KIN: variants seen among roughly 807,000 people sequenced by gnomAD.
The protein encoded by KIN is DNA/RNA-binding protein KIN17.
Under a neutral mutation model 63.0 loss-of-function variants are expected in KIN, and 47 were observed. The observed-to-expected ratio is 0.75, with a 90% CI of 0.59 to 0.95. KIN has a LOEUF of 0.95. KIN is among the 40% of genes least tolerant of loss of function. The pLI is 0.00. For missense variants in KIN, 408 were observed against 460.9 expected, an observed-to-expected ratio of 0.89 and a Z score of 1.05; for synonymous variants, 160 against 157.7, an observed-to-expected ratio of 1.01 and a Z score of -0.11.
intron 8 of KIN, 48 bp from the exon 9 acceptor site, chr10:7,766,151 G>T (rs777971606): frequency 7.5e-7 from 1 of 1,337,016 alleles, no homozygotes; most frequent in Admixed American, 1.9e-5. Flanking sequence ...ATCCTCATTG[G>T]ATTTCAAAAT....
At chr10:7,766,590 G>C (rs796456449) in intron 8 of KIN, among the ~76,000 whole-genome samples, 12 of 152,076 alleles carry the variant, frequency 7.9e-5, no homozygotes, top group African/African-American at 2.9e-4. Context: ...AGAGATAAAT[G>C]AGAGTGACCA....
intron 1 of KIN, among the ~76,000 whole-genome samples, chr10:7,784,517 GT>G (rs2131036982): frequency 6.6e-6 from 1 of 152,276 alleles, no homozygotes; most frequent in East Asian, 1.9e-4. Context: ...AAGCCCAGGA[GT>G]TGGAGGATGC....
At chr10:7,764,768 C>A (rs1161897428) in intron 9 of KIN, among the ~76,000 whole-genome samples, 1 of 152,218 alleles carries the variant, frequency 6.6e-6, no homozygotes, top group African/African-American at 2.4e-5. Context: ...CATGGGTTCA[C>A]ACTCTAGTAA....
Position 7,756,288 on chromosome 10 carries a change from A to AT in KIN, c.1120-147dup, listed in dbSNP as rs748780636. On this transcript the variant is annotated intron_variant, in intron 12 of 12. Transcript: ENST00000379562. ...TGTTAACATTTGTATACATCTATGA[A>AT]TTTTAAGAATAATCTATGGCATTCT... 1.3e-3 allele frequency: 607 copies of AT among 484,538 alleles called. 2 individuals are homozygous for AT. Among genetic ancestry groups the AT allele is most frequent in the South Asian group, 1.7e-3 (43 of 24,748 alleles). 30.0% of individuals were successfully genotyped at this position (484,538 alleles called of 1,614,324 possible). A position where few individuals can be genotyped will look rare whatever the true frequency, so the allele number is the denominator to read the frequency against.
chr10:7,768,179 A>G (rs1019219405), intron 8 of KIN, among the ~76,000 whole-genome samples: 3 of 152,186 alleles, frequency 2.0e-5, no homozygotes, highest in Admixed American at 6.5e-5. Flanking sequence ...TGTACTTCCA[A>G]TGATTTTTCA....
chr10:7,783,162 C>G lies in KIN; in HGVS notation c.128G>C (p.Cys43Ser). The G allele has an allele frequency of 6.3e-7, 1 of 1,578,174 alleles. No individual in the cohort carries two copies. The highest frequency in any genetic ancestry group is 8.6e-7 in the Non-Finnish European group (1 of 1,161,500). Residue 43 changes from cysteine (C) to serine (S), a missense_variant, in exon 2 of 13, where the codon TGT becomes TCT. By Grantham distance (112) the Cys-to-Ser change is moderately radical. Transcript: ENST00000379562. ...KQCRDENGFK[C>S]HCMSESHQRQ... ...CTGATGAGATTCGGACATACAATGA[C>G]ACTTAAAGCCATTCTACAAAAAATG...
In KIN at chr10:7,755,181, A is replaced by T. The variant is rs2130978795; in HGVS notation, c.*899T>A. 6.6e-6 allele frequency: 1 copy of T among 152,350 alleles called. No homozygotes were observed. The highest frequency in any genetic ancestry group is 2.1e-4 in the South Asian group (1 of 4,834). The allele number at this position is 152,350 out of a possible 1,614,324, so 9.4% of individuals were successfully genotyped here. A position where few individuals can be genotyped will look rare whatever the true frequency, so the allele number is the denominator to read the frequency against. ...AAGCGAAAGCTTCTGTTCACATAAA[A>T]TCCTGTAAATGGGTGATCATGGCAG... On this transcript the variant is annotated 3_prime_UTR_variant, in exon 13 of 13. Transcript: ENST00000379562.
chr10:7,766,948 G>C (rs1168950250), intron 8 of KIN, among the ~76,000 whole-genome samples: 1 of 151,488 alleles, frequency 6.6e-6, no homozygotes, highest in Non-Finnish European at 1.5e-5. Context: ...CTTGAACCCT[G>C]TGAGGCGGAG....
At chr10:7,782,357 T>C (rs1223202209) in intron 2 of KIN, among the ~76,000 whole-genome samples, 2 of 151,980 alleles carry the variant, frequency 1.3e-5, no homozygotes, top group Non-Finnish European at 2.9e-5. Context: ...ATAAACTCTA[T>C]GAAGGATCAG....
intron 7 of KIN, among the ~76,000 whole-genome samples, chr10:7,773,115 A>C (rs1423725904): frequency 1.3e-5 from 2 of 152,220 alleles, no homozygotes; most frequent in East Asian, 3.8e-4. Flanking sequence ...CCATGAGCCA[A>C]GTAACGCCTG....
chr10:7,767,786 G>A lies in KIN; in HGVS notation c.798+1430C>T, dbSNP rs140595649. Among the ~76,000 whole-genome samples the A allele has an allele frequency of 1.2e-3, 182 of 151,048 alleles. No individual in the cohort carries two copies. In the East Asian group the frequency reaches 0.017, roughly 14 times the overall value. On this transcript the variant is annotated intron_variant, in intron 8 of 12. Transcript: ENST00000379562. ...AGGCAGGAGAATCACTTGAACCTGG[G>A]AGGTAGATGGTGCAGGGAGCTGGGA...
At chr10:7,776,559 C>T (rs1183849128) in intron 5 of KIN, among the ~76,000 whole-genome samples, 7 of 149,620 alleles carry the variant, frequency 4.7e-5, no homozygotes, top group Admixed American at 1.3e-4. Context: ...GGTGAAACCC[C>T]GTCTCTACTA....
chr10:7,753,833 C>G lies in KIN; in HGVS notation c.*2247G>C, dbSNP rs1240085240. 1 of 261,832 alleles carries G rather than the reference C, an allele frequency of 3.8e-6. No homozygotes were observed. The highest frequency in any genetic ancestry group is 7.8e-6 in the Non-Finnish European group (1 of 127,740). The allele number at this position is 261,832 out of a possible 1,614,324, so 16.2% of individuals were successfully genotyped here. A position where few individuals can be genotyped will look rare whatever the true frequency, so the allele number is the denominator to read the frequency against. On this transcript the variant is annotated 3_prime_UTR_variant, in exon 13 of 13. Coordinates refer to ENST00000379562, the MANE Select transcript of KIN (RefSeq NM_012311.4). ...TTCTGCCATCATCCTATTAGTATTTCTTTACTGCCTCTTACATTTCTGCTA... is the reference window on the plus strand; with the variant it reads ...TTCTGCCATCATCCTATTAGTATTTGTTTACTGCCTCTTACATTTCTGCTA...
In KIN at chr10:7,753,601, T is replaced by C. The variant is rs1835277109; in HGVS notation, c.*2479A>G. 6.5e-6 allele frequency: 1 copy of C among 154,618 alleles called. No homozygotes were observed. The highest frequency in any genetic ancestry group is 1.4e-5 in the Non-Finnish European group (1 of 69,754). The allele number at this position is 154,618 out of a possible 1,614,324, so 9.6% of individuals were successfully genotyped here. A position where few individuals can be genotyped will look rare whatever the true frequency, so the allele number is the denominator to read the frequency against. On this transcript the variant is annotated 3_prime_UTR_variant, in exon 13 of 13. Transcript: ENST00000379562. ...TTTTCTGTAGGTCTCCCATCAACCCTGCTGAAAAACATTTTGACAATTTAT... is the reference window on the plus strand; with the variant it reads ...TTTTCTGTAGGTCTCCCATCAACCCCGCTGAAAAACATTTTGACAATTTAT...
intron 1 of KIN, among the ~76,000 whole-genome samples, chr10:7,785,741 G>A (rs1316594258): frequency 6.6e-6 from 1 of 151,734 alleles, no homozygotes; most frequent in East Asian, 1.9e-4. Context: ...TTGAACCCGG[G>A]AGGCAAAGGT....
intron 5 of KIN, among the ~76,000 whole-genome samples, chr10:7,776,900 A>G (rs186698556): frequency 2.3e-3 from 348 of 151,460 alleles, no homozygotes; most frequent in Non-Finnish European, 4.1e-3. Context: ...TCTATTAAAA[A>G]AAAAAAAAAT....
At chr10:7,779,117 C>T (rs192001133) in intron 4 of KIN, 98 bp from the exon 5 acceptor site, 25 of 1,428,862 alleles carry the variant, frequency 1.7e-5, no homozygotes, top group African/African-American at 4.3e-5. Context: ...TTCAAACACA[C>T]ACAAATCAGG....
chr10:7,782,972 A>G (rs984065680), intron 2 of KIN, 109 bp downstream of exon 2: 2 of 478,776 alleles, frequency 4.2e-6, no homozygotes, highest in Non-Finnish European at 7.3e-6. Flanking sequence ...GAGAGAATAC[A>G]GTTAACATAT....
chr10:7,775,633 A>G, intron 6 of KIN, 118 bp downstream of exon 6: 1 of 537,660 alleles, frequency 1.9e-6, no homozygotes, highest in Non-Finnish European at 3.2e-6. Context: ...AATAAGAACA[A>G]TGTAACTCAG....
Sources: gnomAD v4.1 joint callset for allele counts (sites outside exome capture counted in the v4.1 genomes callset) on GRCh38, gnomAD v4.1.1 for gene constraint, MANE v1.5 for transcripts, NCBI Gene and HGNC (gene_info 2026-07-23, HGNC 2026-07-21) for gene names.